SPON1: variants seen among roughly 807,000 people sequenced by gnomAD.
SPON1 encodes the protein spondin-1.
A neutral mutation model predicts 111.7 loss-of-function variants in SPON1; 52 were observed. The ratio of observed to expected loss-of-function variants is 0.47; its 90% CI spans 0.37 to 0.59. SPON1 has a LOEUF of 0.59. SPON1 is among the 20% of genes least tolerant of loss of function. The probability of loss-of-function intolerance (pLI) is 0.00; values close to 1 mark genes in which losing one functional copy is unlikely to be tolerated. For synonymous variants in SPON1, 410 were observed against 395.8 expected (o/e 1.04, Z -0.43); for missense variants, 957 against 1,068.5 (o/e 0.90, Z 1.46).
At chr11:14,255,541 T>C in intron 8 of SPON1, 106 bp from the exon 9 acceptor site, 1 of 1,002,476 alleles carries the variant, frequency 1.0e-6, no homozygotes, top group Non-Finnish European at 1.5e-6. Flanking sequence ...TAGTTATGCT[T>C]GTTAAATTCC....
intron 6 of SPON1, among the ~76,000 whole-genome samples, chr11:14,182,560 C>G (rs1245221126): frequency 6.6e-6 from 1 of 152,166 alleles, no homozygotes; most frequent in Non-Finnish European, 1.5e-5. Context: ...ACAGAGACCT[C>G]CCTTTTCTGA....
chr11:14,150,763 T>A lies in SPON1; in HGVS notation c.825+15195T>A, dbSNP rs189586107. Among the ~76,000 whole-genome samples the A allele has an allele frequency of 5.9e-5, 9 of 152,324 alleles. No homozygotes were observed. The East Asian group carries it at 1.5e-3, about 26-fold the overall frequency. On this transcript the variant is annotated intron_variant, in intron 6 of 15. Coordinates refer to ENST00000576479, the MANE Select transcript of SPON1 (RefSeq NM_006108.4). ...GAAAAAGAAAAATAGGTGATTCCACTACAGTGCAACTAAGGCTAGGAAAGT... is the reference window on the plus strand; with the variant it reads ...GAAAAAGAAAAATAGGTGATTCCACAACAGTGCAACTAAGGCTAGGAAAGT...
chr11:14,151,742 A>G (rs7480609), intron 6 of SPON1, among the ~76,000 whole-genome samples: 59,294 of 152,102 alleles, frequency 0.39, 11,806 homozygotes, highest in East Asian at 0.55. Context: ...AATCATGTAA[A>G]CATAGCAATT....
intron 5 of SPON1, among the ~76,000 whole-genome samples, chr11:14,112,481 T>G (rs1591378666): frequency 6.6e-6 from 1 of 152,244 alleles, no homozygotes; most frequent in African/African-American, 2.4e-5. Context: ...TGTGCCTTGG[T>G]TTTCTCATAT....
intron 6 of SPON1, among the ~76,000 whole-genome samples, chr11:14,148,849 C>T (rs1187107537): frequency 6.6e-6 from 1 of 152,324 alleles, no homozygotes; most frequent in Middle Eastern, 3.4e-3. Flanking sequence ...TCAATGAATA[C>T]TTGCCATCTA....
chr11:14,152,842 C>T (rs1451599863), intron 6 of SPON1, among the ~76,000 whole-genome samples: 1 of 152,182 alleles, frequency 6.6e-6, no homozygotes. Context: ...ATGGTTGGAT[C>T]TTTTGAGATG....
At chr11:14,192,286 T>C (rs1003275714) in intron 6 of SPON1, among the ~76,000 whole-genome samples, 2 of 151,146 alleles carry the variant, frequency 1.3e-5, no homozygotes, top group Non-Finnish European at 2.9e-5. Context: ...TTACTGAAAA[T>C]GAAGTCTTCT....
At chr11:14,260,416 T>A (rs1302443481) in intron 13 of SPON1, among the ~76,000 whole-genome samples, 172 bp from the exon 14 acceptor site, 1 of 152,158 alleles carries the variant, frequency 6.6e-6, no homozygotes, top group Non-Finnish European at 1.5e-5. Context: ...AGCAGTAGGC[T>A]GCTGAGCCAC....
intron 2 of SPON1, among the ~76,000 whole-genome samples, chr11:14,023,376 A>T (rs1358748792): frequency 6.7e-6 from 1 of 148,168 alleles, no homozygotes; most frequent in Non-Finnish European, 1.5e-5. Context: ...CTGGAGAGAA[A>T]TACTGTGAAG....
rs955413152 is a variant in SPON1 at position 14,028,963 on chromosome 11, A to G, written c.346-12558A>G. On this transcript the variant is annotated intron_variant, in intron 2 of 15. Coordinates refer to ENST00000576479, the MANE Select transcript of SPON1 (RefSeq NM_006108.4). Reference sequence around the variant, plus strand: ...TCCTCCTCCTCTTCCTGGTTTTTCTAGAGGAGATAGCTCTTTTCTTATTGA... The same window carrying G: ...TCCTCCTCCTCTTCCTGGTTTTTCTGGAGGAGATAGCTCTTTTCTTATTGA... Among the ~76,000 whole-genome samples the G allele has an allele frequency of 3.9e-5, 6 of 152,192 alleles. No homozygotes were observed. The East Asian group carries it at 1.2e-3, about 29-fold the overall frequency.
At chr11:14,230,776 CTTCCTTCCTTCA>C (rs1274648890) in intron 6 of SPON1, among the ~76,000 whole-genome samples, 2 of 108,718 alleles carry the variant, frequency 1.8e-5, no homozygotes, top group Non-Finnish European at 4.0e-5. Flanking sequence ...TCCTTCCTTC[CTTCCTTCCTTCA>C]TTTTTTCGTG....
At chr11:13,980,356 T>C (rs566031985) in intron 1 of SPON1, among the ~76,000 whole-genome samples, 4 of 152,162 alleles carry the variant, frequency 2.6e-5, no homozygotes, top group African/African-American at 9.6e-5. Flanking sequence ...TTTCTTTTTT[T>C]CTATCTGATC....
chr11:14,085,775 C>A (rs1849001323), intron 5 of SPON1, among the ~76,000 whole-genome samples: 2 of 152,146 alleles, frequency 1.3e-5, no homozygotes, highest in Admixed American at 1.3e-4. Context: ...TCTTCCTATC[C>A]ATGAGCATGG....
chr11:13,994,125 A>G (rs1554911502), intron 2 of SPON1, among the ~76,000 whole-genome samples: 1 of 152,204 alleles, frequency 6.6e-6, no homozygotes, highest in African/African-American at 2.4e-5. Flanking sequence ...TTAGAACCTA[A>G]AAGGGCTTTT....
intron 6 of SPON1, among the ~76,000 whole-genome samples, chr11:14,217,600 A>C (rs1415359340): frequency 6.6e-6 from 1 of 152,178 alleles, no homozygotes; most frequent in Non-Finnish European, 1.5e-5. Flanking sequence ...AAAGAAAGAA[A>C]AAACACTTTT....
rs147795614 is a variant in SPON1 at position 14,079,984 on chromosome 11, G to A, written c.639G>A (p.Gly213=). The change falls in exon 5 of 16, where the codon GGG becomes GGA. Residue 213 remains glycine (G), a synonymous_variant. Coordinates refer to ENST00000576479, the MANE Select transcript of SPON1 (RefSeq NM_006108.4). Reference sequence around the variant, plus strand: ...CCAAGTACAGACTCACATTTTATGGGAATTGGTCCGAGAAGACACACCCAA... The same window carrying A: ...CCAAGTACAGACTCACATTTTATGGAAATTGGTCCGAGAAGACACACCCAA... The part of the protein sequence containing the change: ...GTAKYRLTFY[G]NWSEKTHPKD... The A allele has an allele frequency of 2.1e-4, 340 of 1,613,948 alleles. 1 individual carries two copies. In the African/African-American group the frequency reaches 4.1e-3, roughly 19 times the overall value.
At chr11:14,198,556 C>T (rs1848426756) in intron 6 of SPON1, among the ~76,000 whole-genome samples, 1 of 152,224 alleles carries the variant, frequency 6.6e-6, no homozygotes, top group Non-Finnish European at 1.5e-5. Context: ...ATTTAAATCT[C>T]ATTTGATCAG....
chr11:13,992,114 A>T (rs1374472984), intron 2 of SPON1, among the ~76,000 whole-genome samples: 1 of 152,220 alleles, frequency 6.6e-6, no homozygotes, highest in South Asian at 2.1e-4. Context: ...TGCTCTCTTC[A>T]GAGCCATCAG....
At chr11:14,043,551 C>T (rs1283725198) in intron 3 of SPON1, among the ~76,000 whole-genome samples, 2 of 152,228 alleles carry the variant, frequency 1.3e-5, no homozygotes, top group Non-Finnish European at 2.9e-5. Context: ...AGCCCAGAGA[C>T]TGGGTTCCCA....
Sources: allele counts gnomAD v4.1 joint callset (sites outside exome capture counted in the v4.1 genomes callset), GRCh38; gene constraint gnomAD v4.1.1; transcripts MANE v1.5; gene names NCBI Gene and HGNC (gene_info 2026-07-23, HGNC 2026-07-21).